Variants in SDK1 observed in about 807,000 individuals in gnomAD.
SDK1 encodes sidekick cell adhesion molecule 1, also known as protein sidekick-1.
A neutral mutation model predicts 245.5 loss-of-function variants in SDK1; 157 were observed. The ratio of observed to expected loss-of-function variants is 0.64; its 90% CI spans 0.56 to 0.73. The LOEUF is 0.73. Ranked by LOEUF, SDK1 falls within the 30% of genes least tolerant of loss-of-function variation. The pLI is 0.00. For synonymous variants in SDK1, 1,647 were observed against 1,278.5 expected, an observed-to-expected ratio of 1.29 and a Z score of -6.15; for missense variants, 3,583 against 3,002.3, an observed-to-expected ratio of 1.19 and a Z score of -4.52.
At position 3,808,377 on chromosome 7, in the gene SDK1, C is replaced by T. The variant is rs140742213; in HGVS notation, c.714-13073C>T. 2.4e-3 allele frequency among the ~76,000 whole-genome samples: 363 copies of T among 152,300 alleles called. 2 individuals carry two copies. The highest frequency in any genetic ancestry group is 4.2e-3 in the Non-Finnish European group (287 of 68,014). ...TGTCCAAAGCCAGCAGGTTCACTCC[C>T]TCTGAAATCCTACACAGAAAAATCT... On this transcript the variant is annotated intron_variant, in intron 4 of 44. Transcript: ENST00000404826.
chr7:3,622,351 C>T (rs903684582), intron 2 of SDK1, among the ~76,000 whole-genome samples: 1 of 152,056 alleles, frequency 6.6e-6, no homozygotes, highest in Non-Finnish European at 1.5e-5. Context: ...CATGGTGGCG[C>T]ATGCCTGTAA....
At chr7:3,975,860 C>T (rs564854858) in intron 13 of SDK1, among the ~76,000 whole-genome samples, 2 of 152,228 alleles carry the variant, frequency 1.3e-5, no homozygotes, top group East Asian at 1.9e-4. Flanking sequence ...AATCAGCCGG[C>T]GGCAGTGGTG....
intron 38 of SDK1, among the ~76,000 whole-genome samples, chr7:4,218,527 G>A (rs1784963501): frequency 6.6e-6 from 1 of 152,246 alleles, no homozygotes; most frequent in South Asian, 2.1e-4. Flanking sequence ...TAGGATAAGA[G>A]AAATTTGCTT....
chr7:4,028,632 C>G (rs1694350272), intron 17 of SDK1, among the ~76,000 whole-genome samples: 1 of 152,228 alleles, frequency 6.6e-6, no homozygotes, highest in Non-Finnish European at 1.5e-5. Context: ...GCTAGAATTT[C>G]ATAACACTTT....
At chr7:3,831,901 AC>A (rs753124203) in intron 5 of SDK1, among the ~76,000 whole-genome samples, 6 of 152,084 alleles carry the variant, frequency 3.9e-5, no homozygotes, top group South Asian at 2.1e-4. Context: ...AACAAAAAAA[AC>A]GTGCCAGGTG....
intron 19 of SDK1, among the ~76,000 whole-genome samples, chr7:4,057,038 G>C (rs1201630910): frequency 6.6e-6 from 1 of 152,140 alleles, no homozygotes; most frequent in African/African-American, 2.4e-5. Context: ...CACTCATCTT[G>C]AGGACAGACT....
intron 1 of SDK1, among the ~76,000 whole-genome samples, chr7:3,458,330 A>G (rs1194940327): frequency 6.6e-6 from 1 of 152,102 alleles, no homozygotes; most frequent in African/African-American, 2.4e-5. Flanking sequence ...AAGCTCTAAA[A>G]GTAGAGGGAT....
At chr7:4,010,337 G>A (rs993173038) in intron 14 of SDK1, among the ~76,000 whole-genome samples, 3 of 152,214 alleles carry the variant, frequency 2.0e-5, no homozygotes, top group African/African-American at 7.2e-5. Context: ...AGCCTTGCCG[G>A]CAAGAGTGCA....
chr7:3,783,361 A>G (rs911792518), intron 4 of SDK1, among the ~76,000 whole-genome samples: 4 of 152,122 alleles, frequency 2.6e-5, no homozygotes, highest in African/African-American at 9.7e-5. Flanking sequence ...TCACCAGAGT[A>G]GTTAGGCAAG....
At chr7:3,652,096 T>C (rs1490588248) in intron 4 of SDK1, among the ~76,000 whole-genome samples, 1 of 152,126 alleles carries the variant, frequency 6.6e-6, no homozygotes, top group Non-Finnish European at 1.5e-5. Flanking sequence ...TATTTAGTAA[T>C]TGGAGTGTTT....
intron 1 of SDK1, among the ~76,000 whole-genome samples, chr7:3,579,689 C>G (rs1038939143): frequency 6.6e-6 from 1 of 152,074 alleles, no homozygotes; most frequent in African/African-American, 2.4e-5. Context: ...GTTGTGGAAA[C>G]AAGGGAACAC....
intron 4 of SDK1, among the ~76,000 whole-genome samples, chr7:3,735,201 C>T (rs6959206): frequency 0.057 from 8,662 of 152,138 alleles, 325 homozygotes; most frequent in Middle Eastern, 0.12. Context: ...AATTTATCAT[C>T]CTAACCATTT....
intron 1 of SDK1, among the ~76,000 whole-genome samples, chr7:3,604,111 C>A (rs765927359): frequency 3.3e-5 from 5 of 152,110 alleles, no homozygotes; most frequent in Non-Finnish European, 7.4e-5. Context: ...ATTTTTGCAT[C>A]GATGTTCATC....
intron 5 of SDK1, among the ~76,000 whole-genome samples, chr7:3,912,736 C>T (rs1027083614): frequency 6.6e-6 from 1 of 152,174 alleles, no homozygotes; most frequent in African/African-American, 2.4e-5. Context: ...ACGGTCTGGC[C>T]CGTGGGGGCT....
chr7:3,353,837 G>A (rs530572636), intron 1 of SDK1, among the ~76,000 whole-genome samples: 6 of 152,206 alleles, frequency 3.9e-5, no homozygotes, highest in African/African-American at 1.4e-4. Flanking sequence ...GTTTGAGCGT[G>A]TCCTGCATGT....
intron 5 of SDK1, among the ~76,000 whole-genome samples, chr7:3,930,286 CT>C (rs772821184): frequency 2.0e-4 from 30 of 152,200 alleles, no homozygotes; most frequent in Admixed American, 3.9e-4. Flanking sequence ...CTTCGAATAA[CT>C]CAGAACTAGA....
intron 32 of SDK1, among the ~76,000 whole-genome samples, chr7:4,170,764 A>G (rs1417626979): frequency 3.3e-5 from 5 of 152,180 alleles, no homozygotes; most frequent in Non-Finnish European, 4.4e-5. Context: ...CCCAGTTTTT[A>G]GGAGACTGTC....
In SDK1 at chr7:4,157,281, AG is replaced by A. The variant is rs1307764745; in HGVS notation, c.4626-1163del. 4.1e-5 allele frequency among the ~76,000 whole-genome samples: 6 copies of A among 145,622 alleles called. No homozygotes were observed. In the South Asian group the frequency reaches 7.2e-4, roughly 17 times the overall value. ...GGAAGGAAGGAAGGAAGAATGAAGG[AG>A]GGGAAGGAAGAAAGGGAAGGGAAAA... is the stretch of plus-strand genomic sequence containing the variant. On this transcript the variant is annotated intron_variant, in intron 30 of 44. Transcript: ENST00000404826.
At chr7:3,771,286 GTTGGCAAGCCATCACCTCAC>G (rs1780399638) in intron 4 of SDK1, among the ~76,000 whole-genome samples, 1 of 152,086 alleles carries the variant, frequency 6.6e-6, no homozygotes, top group Admixed American at 6.5e-5. Context: ...GGAGCTTGGA[GTTGGCAAGCCATCACCTCAC>G]TTGCGTCGAG....
Sources: allele counts gnomAD v4.1 joint callset (sites outside exome capture counted in the v4.1 genomes callset), GRCh38; gene constraint gnomAD v4.1.1; transcripts MANE v1.5; gene names NCBI Gene and HGNC (gene_info 2026-07-23, HGNC 2026-07-21).